Variants in LONP1 observed in about 807,000 individuals in gnomAD.
LONP1 encodes lon protease homolog, mitochondrial.
In LONP1, 31 loss-of-function variants were observed where a neutral mutation model predicts 98.5. That is an observed-to-expected ratio of 0.31 (90% CI 0.24 to 0.42). The LOEUF (loss-of-function observed/expected upper bound fraction) is 0.42. Ranked by LOEUF, LONP1 falls within the 20% of genes least tolerant of loss-of-function variation. LONP1 has a pLI of 1.00. For missense variants in LONP1, 1,336 were observed against 1,350.6 expected (o/e 0.99, Z 0.17); for synonymous variants, 781 against 594.7 (o/e 1.31, Z -4.56).
At chr19:5,707,648 G>A in intron 6 of LONP1, 49 bp downstream of exon 6, 1 of 1,580,688 alleles carries the variant, frequency 6.3e-7, no homozygotes, top group Non-Finnish European at 8.6e-7. Flanking sequence ...GCATAGTGGA[G>A]GTGGGGTGCA....
At chr19:5,714,078 T>C in intron 2 of LONP1, 105 bp downstream of exon 2, 1 of 818,734 alleles carries the variant, frequency 1.2e-6, no homozygotes, top group South Asian at 1.7e-5. Flanking sequence ...CTTCCCTGGT[T>C]TCCTCGGGGT....
intron 1 of LONP1, among the ~76,000 whole-genome samples, chr19:5,715,699 C>G (rs981621461): frequency 1.4e-5 from 2 of 143,980 alleles, no homozygotes; most frequent in East Asian, 4.2e-4. Flanking sequence ...ACTCTGCCAC[C>G]CAGGCTGGAG....
rs367780804 is a variant in LONP1 at position 5,692,106 on chromosome 19, C to T, written c.2806G>A (p.Val936Met). The T allele has an allele frequency of 1.6e-4, 263 of 1,604,432 alleles. 1 individual carries two copies. The highest frequency in any genetic ancestry group is 2.1e-4 in the Non-Finnish European group (246 of 1,173,926). The change falls in exon 18 of 18, where the codon GTG becomes ATG. Residue 936 changes from valine (V) to methionine (M), a missense_variant. By Grantham distance (21) the Val-to-Met change is conservative. Transcript: ENST00000360614. ...TCGAAGATCTCCCGGTAGTGTTCCA[C>T]GAAGTGCACCTCCAGGCCCTCGGTG... is the stretch of plus-strand genomic sequence containing the variant. ...FITEGLEVHF[V>M]EHYREIFDIA...
intron 8 of LONP1, among the ~76,000 whole-genome samples, chr19:5,703,787 G>A (rs1023027922): frequency 1.5e-4 from 23 of 152,070 alleles, no homozygotes; most frequent in African/African-American, 2.4e-5. Context: ...TTGGTGACAC[G>A]CAGGTACTGA....
Position 5,706,971 on chromosome 19 carries a change from GTCCC to G in LONP1, c.1146+85_1146+88del, listed in dbSNP as rs1220460118. ...TGGCTTGCCCTGGCCGATGCCACCGGTCCCTCCGTGTGCTCCAGAGCCTGACTGA... is the reference window on the plus strand; with the variant it reads ...TGGCTTGCCCTGGCCGATGCCACCGGTCCGTGTGCTCCAGAGCCTGACTGA... On this transcript the variant is annotated intron_variant, in intron 7 of 17. Coordinates refer to ENST00000360614, the MANE Select transcript of LONP1 (RefSeq NM_004793.4). 7.1e-6 allele frequency: 8 copies of G among 1,120,004 alleles called. No individual in the cohort carries two copies. In the Admixed American group the frequency reaches 1.2e-4, roughly 17 times the overall value. 69.4% of individuals were successfully genotyped at this position (1,120,004 alleles called of 1,614,324 possible).
At chr19:5,708,468 G>GGGGGGGGGGGGGGGGGC in intron 4 of LONP1, 65 bp from the exon 5 acceptor site, 1 of 551,266 alleles carries the variant, frequency 1.8e-6, no homozygotes, top group East Asian at 4.7e-5. Context: ...GGCTGGGTGG[G>GGGGGGGGGGGGGGGGGC]AGCATGGCCC....
chr19:5,707,683 T>C lies in LONP1; in HGVS notation c.1062+14A>G. On this transcript the variant is annotated intron_variant, in intron 6 of 17. Transcript: ENST00000360614. ...AGCCAGGCGTGGGGGGCTGTGGAGG[T>C]GACGAGCACTCACATTGGTCTCTTC... 5 of 1,601,266 alleles carry C rather than the reference T, an allele frequency of 3.1e-6. No individual in the cohort carries two copies. Among genetic ancestry groups the C allele is most frequent in the Non-Finnish European group, 4.3e-6 (5 of 1,171,148 alleles).
rs548484706 is a variant in LONP1, at chr19:5,714,704, C to T, written c.430-433G>A. On this transcript the variant is annotated intron_variant, in intron 1 of 17. Coordinates refer to ENST00000360614, the MANE Select transcript of LONP1 (RefSeq NM_004793.4). Reference sequence around the variant, plus strand: ...CATGATCTCAGCTCACTGCAACCTCCGCCTCCCGGGATCAAGCAATTCTCT... The same window carrying T: ...CATGATCTCAGCTCACTGCAACCTCTGCCTCCCGGGATCAAGCAATTCTCT... Among the ~76,000 whole-genome samples the T allele has an allele frequency of 5.9e-5, 9 of 151,284 alleles. No individual in the cohort carries two copies. The East Asian group carries it at 1.2e-3, about 20-fold the overall frequency.
chr19:5,712,775 A>G (rs1777345884), intron 3 of LONP1, among the ~76,000 whole-genome samples: 3 of 152,286 alleles, frequency 2.0e-5, no homozygotes, highest in African/African-American at 7.2e-5. Flanking sequence ...GACCACAGGC[A>G]TGAGCCACCA....
Position 5,720,094 on chromosome 19 carries a change from C to A in LONP1, c.39G>T (p.Ala13=). ...ASTGYVRLWG[A]ARCWVLRRPM... is the part of the protein sequence containing the mutation. ...GCCGCCGCAGCACCCAGCACCGCGCCGCTCCCCACAGTCGCACGTAGCCAG... is the reference window on the plus strand; with the variant it reads ...GCCGCCGCAGCACCCAGCACCGCGCAGCTCCCCACAGTCGCACGTAGCCAG... The change falls in exon 1 of 18, where the codon GCG becomes GCT. Residue 13 remains alanine, a synonymous_variant. Transcript: ENST00000360614. 1.3e-6 allele frequency: 2 copies of A among 1,481,652 alleles called. No homozygotes were observed. Among genetic ancestry groups the A allele is most frequent in the South Asian group, 1.3e-5 (1 of 76,826 alleles). The allele number at this position is 1,481,652 out of a possible 1,614,324, so 91.8% of individuals were successfully genotyped here.
At chr19:5,704,275 C>T (rs1006118499) in intron 8 of LONP1, among the ~76,000 whole-genome samples, 6 of 152,200 alleles carry the variant, frequency 3.9e-5, no homozygotes, top group African/African-American at 1.4e-4. Context: ...ACGGGCCCGG[C>T]CCACAGCGGG....
chr19:5,707,937 A>G, intron 5 of LONP1, 111 bp from the exon 6 acceptor site: 1 of 1,310,538 alleles, frequency 7.6e-7, no homozygotes, highest in African/African-American at 1.5e-5. Context: ...AGCTATGGGC[A>G]CGGTCTAGGG....
chr19:5,713,120 C>T lies in LONP1; in HGVS notation c.638+14G>A, dbSNP rs904618972. On this transcript the variant is annotated intron_variant, in intron 3 of 17. Transcript: ENST00000360614. The stretch of plus-strand genomic sequence containing the variant: ...TCTGCCCCCACCTCCCACTGTCCCC[C>T]GCCAGCCACCCACCTTCTGTGTCCC... 33 of 1,613,920 alleles carry T rather than the reference C, an allele frequency of 2.0e-5. No individual in the cohort carries two copies. The highest frequency in any genetic ancestry group is 1.7e-4 in the Middle Eastern group (1 of 6,058).
At chr19:5,714,345 C>G (rs983176098) in intron 1 of LONP1, 74 bp from the exon 2 acceptor site, 1 of 1,057,114 alleles carries the variant, frequency 9.5e-7, no homozygotes, top group Non-Finnish European at 1.5e-6. Context: ...TTCTGTTGCC[C>G]TGGCTGGAAT....
chr19:5,707,851 G>C, intron 5 of LONP1, 25 bp from the exon 6 acceptor site: 1 of 1,610,948 alleles, frequency 6.2e-7, no homozygotes, highest in Non-Finnish European at 8.5e-7. Context: ...GAGCTGCCTC[G>C]GTGGCCAGGG....
intron 4 of LONP1, among the ~76,000 whole-genome samples, chr19:5,709,201 G>C (rs2055197514): frequency 7.0e-6 from 1 of 143,598 alleles, no homozygotes; most frequent in Non-Finnish European, 1.5e-5. Flanking sequence ...TTAATCACCT[G>C]GTCTTGGCCG....
chr19:5,707,930 T>C, intron 5 of LONP1, 104 bp from the exon 6 acceptor site: 2 of 1,374,966 alleles, frequency 1.5e-6, no homozygotes, highest in Non-Finnish European at 2.0e-6. Flanking sequence ...CCCCTGTAGC[T>C]ATGGGCACGG....
At chr19:5,711,497 G>A (rs545215767) in intron 4 of LONP1, among the ~76,000 whole-genome samples, 4 of 152,226 alleles carry the variant, frequency 2.6e-5, no homozygotes, top group Non-Finnish European at 4.4e-5. Flanking sequence ...CAGGGGACAC[G>A]GGCTGGGGCT....
At chr19:5,697,356 C>T (rs1055603861) in intron 10 of LONP1, among the ~76,000 whole-genome samples, 3 of 151,508 alleles carry the variant, frequency 2.0e-5, no homozygotes, top group Non-Finnish European at 2.9e-5. Context: ...GGAGAGGCCC[C>T]GAGCAACGCA....
Sources: allele counts gnomAD v4.1 joint callset (sites outside exome capture counted in the v4.1 genomes callset), GRCh38; gene constraint gnomAD v4.1.1; transcripts MANE v1.5; gene names NCBI Gene and HGNC (gene_info 2026-07-23, HGNC 2026-07-21).